The following SECISBP2 variants were observed in gnomAD, a reference collection of about 807,000 sequenced individuals.
SECISBP2 encodes selenocysteine insertion sequence-binding protein 2.
In SECISBP2, 96 loss-of-function variants were observed where a neutral mutation model predicts 98.2. The ratio of observed to expected loss-of-function variants is 0.98; its 90% CI spans 0.83 to 1.16. The LOEUF is 1.16. Ranked by LOEUF, SECISBP2 falls within the 50% of genes most tolerant of loss-of-function variation. The probability of loss-of-function intolerance (pLI) is 0.00; values close to 1 mark genes in which losing one functional copy is unlikely to be tolerated. For synonymous variants in SECISBP2, 407 were observed against 370.2 expected, an observed-to-expected ratio of 1.10 and a Z score of -1.14; for missense variants, 1,046 against 1,022.9, an observed-to-expected ratio of 1.02 and a Z score of -0.31.
chr9:89,349,793 G>T lies in SECISBP2; in HGVS notation c.1756G>T (p.Glu586Ter). 1 of 1,614,128 alleles carries T rather than the reference G, an allele frequency of 6.2e-7. No individual in the cohort carries two copies. Among genetic ancestry groups the T allele is most frequent in the Non-Finnish European group, 8.5e-7 (1 of 1,180,016 alleles). ...CCATGAAGGGCCAGAGGGGATGGACGAACTGATCTCCACTCCTTCGGTTGA... is the reference window on the plus strand; with the variant it reads ...CCATGAAGGGCCAGAGGGGATGGACTAACTGATCTCCACTCCTTCGGTTGA... ...AELSGPEGMD[E>*]LISTPSVEDK... is the part of the protein sequence containing the mutation. Residue 586 changes from glutamate (E) to a stop codon, truncating the protein, a stop_gained, in exon 13 of 17, where the codon GAA becomes TAA. Coordinates refer to ENST00000375807, the MANE Select transcript of SECISBP2 (RefSeq NM_024077.5). LOFTEE classifies it high-confidence loss of function.
chr9:89,335,805 C>A (rs966115066), intron 7 of SECISBP2, among the ~76,000 whole-genome samples: 1 of 152,120 alleles, frequency 6.6e-6, no homozygotes, highest in African/African-American at 2.4e-5. Context: ...TTAGACATAT[C>A]GACTTAAAAT....
At chr9:89,328,143 TAAAAA>T (rs1477406014) in intron 4 of SECISBP2, among the ~76,000 whole-genome samples, 4 of 152,242 alleles carry the variant, frequency 2.6e-5, no homozygotes, top group Non-Finnish European at 5.9e-5. Context: ...ACTCCAAAGA[TAAAAA>T]GTATAATACA....
rs1349412024 is a variant in SECISBP2, at chr9:89,318,506, G to A, written c.-71G>A. On this transcript the variant is annotated 5_prime_UTR_variant, in exon 1 of 17. Coordinates refer to ENST00000375807, the MANE Select transcript of SECISBP2 (RefSeq NM_024077.5). ...TGGCGTCGCCTGCGGGGGCGGAAAC[G>A]CTTTGTCTGTCCGGCAAGCCGACGG... The A allele has an allele frequency of 6.8e-7, 1 of 1,466,576 alleles. No individual in the cohort carries two copies. Among genetic ancestry groups the A allele is most frequent in the African/African-American group, 1.5e-5 (1 of 68,794 alleles). The allele number at this position is 1,466,576 out of a possible 1,614,324, so 90.8% of individuals were successfully genotyped here.
At chr9:89,321,919 C>G (rs116617406) in intron 2 of SECISBP2, among the ~76,000 whole-genome samples, 59 of 152,296 alleles carry the variant, frequency 3.9e-4, no homozygotes, top group African/African-American at 1.4e-3. Context: ...AAATGGAGAT[C>G]TCTTGCTGCT....
intron 14 of SECISBP2, chr9:89,357,118 CT>C (rs1472221956): frequency 2.3e-6 from 1 of 433,990 alleles, no homozygotes; most frequent in East Asian, 5.0e-5. Context: ...ATCTGTCTGC[CT>C]TTTGGGATTT....
chr9:89,339,541 C>T (rs1008338171), intron 8 of SECISBP2, among the ~76,000 whole-genome samples: 1 of 152,178 alleles, frequency 6.6e-6, no homozygotes, highest in Non-Finnish European at 1.5e-5. Flanking sequence ...GATGGTTTCT[C>T]TAATGAAAAA....
chr9:89,354,732 A>G (rs1831805630), intron 14 of SECISBP2: 1 of 982,008 alleles, frequency 1.0e-6, no homozygotes, highest in East Asian at 1.1e-4. Context: ...AGAGGACAGC[A>G]GCCAAGCCTG....
intron 7 of SECISBP2, among the ~76,000 whole-genome samples, chr9:89,336,766 C>CTTTTTTT (rs1167993596): frequency 3.5e-4 from 26 of 75,208 alleles, no homozygotes; most frequent in Admixed American, 3.9e-4. Context: ...CTGTCTAATT[C>CTTTTTTT]TTTTTTTTTT....
In SECISBP2 at chr9:89,359,022, G is replaced by GC; in HGVS notation, c.*199dup. On this transcript the variant is annotated 3_prime_UTR_variant, in exon 17 of 17. Transcript: ENST00000375807. ...AGCCTGTTAAAGGTCACTCAGATGTGCAGGTGTTAATCTTCTCTAAAAGCC... is the reference window on the plus strand; with the variant it reads ...AGCCTGTTAAAGGTCACTCAGATGTGCCAGGTGTTAATCTTCTCTAAAAGCC... The GC allele has an allele frequency of 1.7e-6, 1 of 592,168 alleles. No homozygotes were observed. The highest frequency in any genetic ancestry group is 3.0e-6 in the Non-Finnish European group (1 of 333,204). The allele number at this position is 592,168 out of a possible 1,614,324, so 36.7% of individuals were successfully genotyped here. A position where few individuals can be genotyped will look rare whatever the true frequency, so the allele number is the denominator to read the frequency against.
intron 7 of SECISBP2, among the ~76,000 whole-genome samples, chr9:89,337,248 A>T (rs1289545668): frequency 6.6e-6 from 1 of 152,280 alleles, no homozygotes; most frequent in Non-Finnish European, 1.5e-5. Flanking sequence ...ATTCTAAAAG[A>T]TGAGAAGAAA....
chr9:89,325,535 T>C lies in SECISBP2; in HGVS notation c.291T>C (p.Leu97=). Residue 97 remains leucine (L), a synonymous_variant, in exon 3 of 17, where the codon CTT becomes CTC. Transcript: ENST00000375807. ...CATATGCCTATTCTCCTTATACCCT[T>C]GACTCCACACAGAATGTTTACTCAG... ...LHPYAYSPYT[L]DSTQNVYSVP... The C allele has an allele frequency of 1.2e-6, 2 of 1,613,940 alleles. No homozygotes were observed. The highest frequency in any genetic ancestry group is 8.5e-7 in the Non-Finnish European group (1 of 1,180,016).
chr9:89,354,708 G>A, intron 14 of SECISBP2: 1 of 948,844 alleles, frequency 1.1e-6, no homozygotes, highest in Non-Finnish European at 1.3e-6. Context: ...GGGCCAACCT[G>A]ACAGGCAGCC....
rs1396430870 is a variant in SECISBP2, at chr9:89,339,884, C to T, written c.1233C>T (p.Asn411=). The change falls in exon 9 of 17, where the codon AAC becomes AAT. Residue 411 remains asparagine (N), a synonymous_variant. Transcript: ENST00000375807. ...PRIEDAEEFP[N]LAVASERRDR... Reference sequence around the variant, plus strand: ...CTTAGGATGCCGAGGAATTTCCCAACCTGGCAGTTGCATCTGAAAGAAGAG... The same window carrying T: ...CTTAGGATGCCGAGGAATTTCCCAATCTGGCAGTTGCATCTGAAAGAAGAG... 9 of 1,613,642 alleles carry T rather than the reference C, an allele frequency of 5.6e-6. No homozygotes were observed. Among genetic ancestry groups the T allele is most frequent in the Non-Finnish European group, 7.6e-6 (9 of 1,179,654 alleles).
chr9:89,348,253 G>A, intron 12 of SECISBP2, 39 bp downstream of exon 12: 3 of 1,612,400 alleles, frequency 1.9e-6, no homozygotes, highest in African/African-American at 2.7e-5. Context: ...TAATTTAAAC[G>A]AGAGCAACTA....
At chr9:89,363,807 G>A (rs776947249), downstream of SECISBP2, 5 of 1,614,046 alleles carry the variant, frequency 3.1e-6, no homozygotes, top group Middle Eastern at 1.6e-4. Context: ...ACAGAGCAGC[G>A]ATACTCAGCG....
chr9:89,350,940 A>G (rs1831194048), intron 14 of SECISBP2, 88 bp downstream of exon 14: 5 of 1,082,978 alleles, frequency 4.6e-6, no homozygotes, highest in Non-Finnish European at 7.1e-6. Flanking sequence ...TCAGCGGCCC[A>G]TGCCACAGGT....
chr9:89,341,577 A>G, intron 10 of SECISBP2, 98 bp downstream of exon 10: 5 of 1,411,722 alleles, frequency 3.5e-6, no homozygotes, highest in South Asian at 2.3e-5. Context: ...TTATTTATAG[A>G]TAAAACAGTG....
At chr9:89,338,776 C>A (rs1829192592) in intron 8 of SECISBP2, among the ~76,000 whole-genome samples, 196 bp downstream of exon 8, 1 of 152,180 alleles carries the variant, frequency 6.6e-6, no homozygotes, top group Non-Finnish European at 1.5e-5. Flanking sequence ...AGCAGCCACT[C>A]AGTGAACATC....
chr9:89,343,470 A>G (rs1046299324), intron 10 of SECISBP2, among the ~76,000 whole-genome samples: 1 of 152,092 alleles, frequency 6.6e-6, no homozygotes, highest in Non-Finnish European at 1.5e-5. Flanking sequence ...CTGGTAACCA[A>G]TAGTTATTTT....
Sources: allele counts gnomAD v4.1 joint callset (sites outside exome capture counted in the v4.1 genomes callset), GRCh38; gene constraint gnomAD v4.1.1; transcripts MANE v1.5; gene names NCBI Gene and HGNC (gene_info 2026-07-23, HGNC 2026-07-21).